The following MAP3K20 variants were observed in gnomAD, a reference collection of about 807,000 sequenced individuals.
The protein encoded by MAP3K20 is mitogen-activated protein kinase kinase kinase 20.
A neutral mutation model predicts 85.7 loss-of-function variants in MAP3K20; 40 were observed. That is an observed-to-expected ratio of 0.47 (90% CI 0.36 to 0.61). MAP3K20 has a LOEUF of 0.61. MAP3K20 is among the 20% of genes least tolerant of loss of function. MAP3K20 has a pLI of 0.00. For missense variants in MAP3K20, 817 were observed against 961.7 expected, an observed-to-expected ratio of 0.85 and a Z score of 1.99; for synonymous variants, 325 against 327.7, an observed-to-expected ratio of 0.99 and a Z score of 0.09.
chr2:173,142,541 A>G (rs964749995), intron 2 of MAP3K20, among the ~76,000 whole-genome samples: 1 of 152,152 alleles, frequency 6.6e-6, no homozygotes, highest in Non-Finnish European at 1.5e-5. Flanking sequence ...CAAGCATCTT[A>G]CATTTTATGT....
intron 16 of MAP3K20, among the ~76,000 whole-genome samples, chr2:173,245,226 C>T (rs1384422999): frequency 6.6e-6 from 1 of 152,086 alleles, no homozygotes; most frequent in Non-Finnish European, 1.5e-5. Flanking sequence ...AAAGGAAAAA[C>T]CCTGTCCACC....
chr2:173,095,031 G>A (rs1687418960), intron 2 of MAP3K20, among the ~76,000 whole-genome samples: 1 of 152,112 alleles, frequency 6.6e-6, no homozygotes, highest in African/African-American at 2.4e-5. Context: ...TAGCATAAGT[G>A]AGTTTGCCCT....
intron 16 of MAP3K20, among the ~76,000 whole-genome samples, chr2:173,240,430 G>C (rs1029834216): frequency 6.6e-6 from 1 of 152,182 alleles, no homozygotes; most frequent in Admixed American, 6.5e-5. Flanking sequence ...ACCAGTGCCT[G>C]GGAATGACTG....
intron 16 of MAP3K20, among the ~76,000 whole-genome samples, chr2:173,250,595 T>C (rs1324002997): frequency 6.6e-6 from 1 of 152,222 alleles, no homozygotes; most frequent in East Asian, 1.9e-4. Context: ...TGACAGACAC[T>C]GTGAGCCACG....
At chr2:173,203,317 T>C (rs1683553386) in intron 8 of MAP3K20, among the ~76,000 whole-genome samples, 1 of 152,170 alleles carries the variant, frequency 6.6e-6, no homozygotes, top group Non-Finnish European at 1.5e-5. Context: ...GAATGTCTTA[T>C]TTACCACTGA....
intron 2 of MAP3K20, among the ~76,000 whole-genome samples, chr2:173,124,494 G>C (rs1263058602): frequency 6.6e-6 from 1 of 152,146 alleles, no homozygotes; most frequent in Admixed American, 6.5e-5. Context: ...GGGGTTCCAT[G>C]GGTGGGAGCT....
At chr2:173,216,999 G>T in intron 10 of MAP3K20, 116 bp from the exon 11 acceptor site, 1 of 1,055,774 alleles carries the variant, frequency 9.5e-7, no homozygotes, top group Non-Finnish European at 1.3e-6. Context: ...CAGTTACCTG[G>T]TTGATTTTAA....
At chr2:173,123,071 C>G (rs1688341648) in intron 2 of MAP3K20, among the ~76,000 whole-genome samples, 1 of 152,174 alleles carries the variant, frequency 6.6e-6, no homozygotes, top group East Asian at 1.9e-4. Context: ...GTATGTAGTT[C>G]ACACATGATA....
At chr2:173,248,832 G>T (rs1401218781) in intron 16 of MAP3K20, among the ~76,000 whole-genome samples, 2 of 152,192 alleles carry the variant, frequency 1.3e-5, no homozygotes, top group East Asian at 3.8e-4. Flanking sequence ...GTCTCTCTTA[G>T]TCTTCTTAAT....
At chr2:173,191,461 A>C (rs1203423703) in intron 7 of MAP3K20, among the ~76,000 whole-genome samples, 1 of 152,170 alleles carries the variant, frequency 6.6e-6, no homozygotes, top group East Asian at 1.9e-4. Context: ...TGCCTGTGAG[A>C]ATGATTTTTT....
intron 2 of MAP3K20, among the ~76,000 whole-genome samples, chr2:173,112,847 A>G (rs1445768516): frequency 6.6e-6 from 1 of 152,004 alleles, no homozygotes; most frequent in East Asian, 1.9e-4. Context: ...TTTAGCATCT[A>G]TGTTCATCAA....
At chr2:173,258,889 C>T in intron 17 of MAP3K20, 74 bp downstream of exon 17, 2 of 984,696 alleles carry the variant, frequency 2.0e-6, no homozygotes, top group Non-Finnish European at 3.2e-6. Context: ...AATACCCCAG[C>T]AGTGTGCTTT....
chr2:173,223,732 C>T (rs1279166509), intron 11 of MAP3K20: 2 of 985,330 alleles, frequency 2.0e-6, no homozygotes, highest in Admixed American at 1.2e-4. Flanking sequence ...CCCACATACC[C>T]ATGCTACTAG....
chr2:173,263,984 C>T, intron 19 of MAP3K20, 89 bp downstream of exon 19: 1 of 1,485,966 alleles, frequency 6.7e-7, no homozygotes, highest in Non-Finnish European at 9.0e-7. Flanking sequence ...CAGAGGATAC[C>T]ACCTCAATCA....
intron 2 of MAP3K20, among the ~76,000 whole-genome samples, chr2:173,127,676 A>C (rs1427379050): frequency 6.6e-6 from 1 of 152,188 alleles, no homozygotes; most frequent in Non-Finnish European, 1.5e-5. Context: ...ATAAGGTACT[A>C]ACTCCAAAAA....
chr2:173,228,751 A>T (rs1684450337), intron 11 of MAP3K20, among the ~76,000 whole-genome samples: 1 of 152,202 alleles, frequency 6.6e-6, no homozygotes, highest in South Asian at 2.1e-4. Flanking sequence ...AATACCTGTA[A>T]GTTAGAAAGG....
intron 16 of MAP3K20, among the ~76,000 whole-genome samples, chr2:173,254,136 C>G (rs1685104211): frequency 6.6e-6 from 1 of 151,230 alleles, no homozygotes; most frequent in Non-Finnish European, 1.5e-5. Flanking sequence ...GTCCACTAGG[C>G]CAGGCAAAGT....
intron 11 of MAP3K20, chr2:173,225,855 A>G: frequency 1.0e-6 from 1 of 985,212 alleles, no homozygotes. Context: ...AACTTGATGA[A>G]ACAGCCAAAT....
At chr2:173,200,960 A>G (rs1691038031) in intron 8 of MAP3K20, among the ~76,000 whole-genome samples, 1 of 152,202 alleles carries the variant, frequency 6.6e-6, no homozygotes, top group Admixed American at 6.5e-5. Flanking sequence ...AACAAAAACT[A>G]AAGAAATTTG....
Sources: gnomAD v4.1 joint callset for allele counts (sites outside exome capture counted in the v4.1 genomes callset) on GRCh38, gnomAD v4.1.1 for gene constraint, MANE v1.5 for transcripts, NCBI Gene and HGNC (gene_info 2026-07-23, HGNC 2026-07-21) for gene names.